Variants in FRMD4A observed in about 807,000 individuals in gnomAD.
FRMD4A encodes FERM domain-containing protein 4A.
Under a neutral mutation model 129.1 loss-of-function variants are expected in FRMD4A, and 29 were observed. The ratio of observed to expected loss-of-function variants is 0.22; its 90% CI spans 0.17 to 0.31. The LOEUF is 0.31. Ranked by LOEUF, FRMD4A falls within the 10% of genes least tolerant of loss-of-function variation. FRMD4A has a pLI of 1.00. For missense variants in FRMD4A, 1,272 were observed against 1,375.8 expected (o/e 0.92, Z 1.19); for synonymous variants, 634 against 571.6 (o/e 1.11, Z -1.56).
intron 2 of FRMD4A, among the ~76,000 whole-genome samples, chr10:14,161,061 T>G (rs1840859965): frequency 6.6e-6 from 1 of 152,138 alleles, no homozygotes; most frequent in African/African-American, 2.4e-5. Flanking sequence ...TTCAAGTGAT[T>G]CTCCTGCCTC....
intron 9 of FRMD4A, among the ~76,000 whole-genome samples, chr10:13,743,090 C>T (rs1273820591): frequency 6.6e-6 from 1 of 152,180 alleles, no homozygotes; most frequent in Non-Finnish European, 1.5e-5. Flanking sequence ...GACCAGCCAG[C>T]TACAGGGGGC....
chr10:13,876,040 G>A (rs1279261359), intron 2 of FRMD4A, among the ~76,000 whole-genome samples: 1 of 152,184 alleles, frequency 6.6e-6, no homozygotes, highest in Non-Finnish European at 1.5e-5. Flanking sequence ...TTTTGAACAA[G>A]CATCATTGCT....
intron 17 of FRMD4A, among the ~76,000 whole-genome samples, chr10:13,669,007 A>C (rs2083286752): frequency 6.6e-6 from 1 of 150,916 alleles, no homozygotes; most frequent in Admixed American, 6.6e-5. Flanking sequence ...CCAAGAAGTA[A>C]GGGCTATGAG....
intron 2 of FRMD4A, among the ~76,000 whole-genome samples, chr10:13,883,930 C>T (rs1364871541): frequency 6.6e-6 from 1 of 152,124 alleles, no homozygotes; most frequent in East Asian, 1.9e-4. Flanking sequence ...TTTAATCAGT[C>T]TCCAGAAGAC....
chr10:14,144,983 C>G (rs948740311), intron 2 of FRMD4A, among the ~76,000 whole-genome samples: 1 of 152,050 alleles, frequency 6.6e-6, no homozygotes, highest in Non-Finnish European at 1.5e-5. Context: ...TTGACTGATG[C>G]CTGGTGGAAC....
intron 2 of FRMD4A, among the ~76,000 whole-genome samples, chr10:14,259,175 A>T (rs1844716759): frequency 6.6e-6 from 1 of 152,240 alleles, no homozygotes; most frequent in South Asian, 2.1e-4. Flanking sequence ...ACAAACCTGT[A>T]AACAGTAACA....
chr10:14,157,200 G>C (rs1211562943), intron 2 of FRMD4A, among the ~76,000 whole-genome samples: 1 of 152,192 alleles, frequency 6.6e-6, no homozygotes, highest in Non-Finnish European at 1.5e-5. Flanking sequence ...TCACAGGCTG[G>C]TTGCCCTAAG....
intron 2 of FRMD4A, among the ~76,000 whole-genome samples, chr10:14,093,027 T>C (rs1836745565): frequency 6.6e-6 from 1 of 152,138 alleles, no homozygotes; most frequent in Non-Finnish European, 1.5e-5. Flanking sequence ...TAGAGCTCCC[T>C]GCATCACTTC....
At position 14,127,347 on chromosome 10, in the gene FRMD4A, C is replaced by T. The variant is rs112548007; in HGVS notation, c.45+202711G>A. ...CTCTGCTCTTCTTGTTTTGCAAGGT[C>T]GTACATTTTCTTTTGTGAAAACTAG... On this transcript the variant is annotated intron_variant, in intron 2 of 24. Transcript: ENST00000357447. 2.0e-5 allele frequency among the ~76,000 whole-genome samples: 3 copies of T among 152,242 alleles called. 1 individual carries two copies. The highest frequency in any genetic ancestry group is 7.2e-5 in the African/African-American group (3 of 41,550).
At chr10:14,139,254 A>G (rs1038693192) in intron 2 of FRMD4A, among the ~76,000 whole-genome samples, 4 of 152,176 alleles carry the variant, frequency 2.6e-5, no homozygotes, top group Non-Finnish European at 4.4e-5. Context: ...GCTATGAAAT[A>G]AGAAGTATCT....
At chr10:13,965,574 G>C (rs1363260652) in intron 2 of FRMD4A, among the ~76,000 whole-genome samples, 1 of 152,174 alleles carries the variant, frequency 6.6e-6, no homozygotes, top group Non-Finnish European at 1.5e-5. Flanking sequence ...CCTGTGTTTA[G>C]AAGGCACATA....
intron 2 of FRMD4A, among the ~76,000 whole-genome samples, chr10:14,066,716 A>C (rs1001279840): frequency 3.9e-5 from 6 of 152,236 alleles, no homozygotes; most frequent in Non-Finnish European, 7.3e-5. Flanking sequence ...AGGATCGACA[A>C]TGGCAATAAA....
At chr10:13,892,186 G>T (rs1311023537) in intron 2 of FRMD4A, among the ~76,000 whole-genome samples, 1 of 152,060 alleles carries the variant, frequency 6.6e-6, no homozygotes, top group Admixed American at 6.5e-5. Flanking sequence ...CCCCAAGCGG[G>T]GGACCCCTGG....
At chr10:13,972,951 T>C (rs186786741) in intron 2 of FRMD4A, among the ~76,000 whole-genome samples, 2 of 152,350 alleles carry the variant, frequency 1.3e-5, no homozygotes, top group East Asian at 3.9e-4. Flanking sequence ...CCTTAACTAA[T>C]ACCATCAGAA....
intron 3 of FRMD4A, among the ~76,000 whole-genome samples, chr10:13,852,297 G>A (rs1309870261): frequency 2.6e-5 from 4 of 151,474 alleles, no homozygotes; most frequent in African/African-American, 9.7e-5. Flanking sequence ...GGGCTGGAGT[G>A]CAGTGGCGTG....
At chr10:13,660,744 G>C (rs1363404336) in intron 19 of FRMD4A, among the ~76,000 whole-genome samples, 191 bp from the exon 20 acceptor site, 7 of 152,112 alleles carry the variant, frequency 4.6e-5, no homozygotes, top group Non-Finnish European at 1.0e-4. Flanking sequence ...ACCAAACCAG[G>C]GCAAGCCAAA....
At chr10:14,110,886 C>T (rs908204971) in intron 2 of FRMD4A, among the ~76,000 whole-genome samples, 2 of 152,122 alleles carry the variant, frequency 1.3e-5, no homozygotes, top group Non-Finnish European at 2.9e-5. Flanking sequence ...GGCTGGAGTG[C>T]AGTGGTGCAG....
chr10:13,700,379 G>A (rs1036125237), intron 14 of FRMD4A, among the ~76,000 whole-genome samples: 4 of 152,116 alleles, frequency 2.6e-5, no homozygotes, highest in Non-Finnish European at 5.9e-5. Context: ...AGAGGGCACC[G>A]ATTCAGTGAC....
intron 8 of FRMD4A, among the ~76,000 whole-genome samples, chr10:13,753,036 A>T (rs548806725): frequency 8.9e-4 from 136 of 152,332 alleles, no homozygotes; most frequent in Non-Finnish European, 1.7e-3. Flanking sequence ...TTGAGACCCT[A>T]AAGTTCTAGA....
Sources: gnomAD v4.1 joint callset for allele counts (sites outside exome capture counted in the v4.1 genomes callset) on GRCh38, gnomAD v4.1.1 for gene constraint, MANE v1.5 for transcripts, NCBI Gene and HGNC (gene_info 2026-07-23, HGNC 2026-07-21) for gene names.